Variants in CMC2 observed in about 807,000 individuals in gnomAD.
CMC2 encodes the protein C-X9-C motif containing 2.
Under a neutral mutation model 7.5 loss-of-function variants are expected in CMC2, and 5 were observed. The observed-to-expected ratio is 0.66, with a 90% CI of 0.35 to 1.40. The LOEUF (loss-of-function observed/expected upper bound fraction) is 1.40. Ranked by LOEUF, CMC2 falls within the 40% of genes most tolerant of loss-of-function variation. The pLI, the probability that CMC2 is intolerant of heterozygous loss-of-function variation, is 0.04. For missense variants in CMC2, 115 were observed against 92.3 expected, an observed-to-expected ratio of 1.25 and a Z score of -1.01; for synonymous variants, 37 against 31.4, an observed-to-expected ratio of 1.18 and a Z score of -0.60.
At chr16:80,990,278 C>T (rs1967875532) in intron 2 of CMC2, among the ~76,000 whole-genome samples, 1 of 152,174 alleles carries the variant, frequency 6.6e-6, no homozygotes, top group South Asian at 2.1e-4. Flanking sequence ...TCAAGTGATT[C>T]TCCTGCCTCA....
At chr16:80,999,594 G>A (rs540305957) in intron 1 of CMC2, among the ~76,000 whole-genome samples, 1 of 152,100 alleles carries the variant, frequency 6.6e-6, no homozygotes, top group Admixed American at 6.6e-5. Context: ...CCAAAAAGGG[G>A]CTCAAATAGC....
Position 80,966,504 on chromosome 16 carries a change from T to C in CMC2, c.*9589A>G, listed in dbSNP as rs1365135544. ...TTGACTTGAATTTTACACTTGTATC[T>C]TGTTTTGGTCTTAGGTTGAAAATCT... is the stretch of plus-strand genomic sequence containing the variant. On this transcript the variant is annotated 3_prime_UTR_variant, in exon 4 of 4. Transcript: ENST00000219400. 6.6e-6 allele frequency: 1 copy of C among 152,246 alleles called. No individual in the cohort carries two copies. Among genetic ancestry groups the C allele is most frequent in the Non-Finnish European group, 1.5e-5 (1 of 68,038 alleles). 9.4% of individuals were successfully genotyped at this position (152,246 alleles called of 1,614,324 possible). A position where few individuals can be genotyped will look rare whatever the true frequency, so the allele number is the denominator to read the frequency against.
At chr16:80,984,517 G>A (rs926132584) in intron 2 of CMC2, among the ~76,000 whole-genome samples, 10 of 152,052 alleles carry the variant, frequency 6.6e-5, no homozygotes, top group African/African-American at 9.7e-5. Flanking sequence ...TCTCCTATTT[G>A]TTACCTAATG....
rs56297803 is a variant in CMC2, at chr16:80,972,355, A to AT, written c.*3737dup. On this transcript the variant is annotated 3_prime_UTR_variant, in exon 4 of 4. Coordinates refer to ENST00000219400, the MANE Select transcript of CMC2 (RefSeq NM_020188.5). ...GAGCAACTCCCTTGGGACAGTGAGG[A>AT]TTTTTTGTTTTTCGTTTTTTTTGTT... is the stretch of plus-strand genomic sequence containing the variant. The AT allele has an allele frequency of 0.35, 52,461 of 151,770 alleles. 10,728 individuals are homozygous for AT. Among genetic ancestry groups the AT allele is most frequent in the African/African-American group, 0.57 (23,665 of 41,356 alleles). The allele number at this position is 151,770 out of a possible 1,614,324, so 9.4% of individuals were successfully genotyped here.
In CMC2 at chr16:80,978,661, G is replaced by C. The variant is rs77077404; in HGVS notation, c.154-2482C>G. ...AGATGGGAGAACTCCTTGAGCCCAG[G>C]AGTCTGAGACCACCCTGGGCAACAC... is the stretch of plus-strand genomic sequence containing the variant. On this transcript the variant is annotated intron_variant, in intron 3 of 3. Transcript: ENST00000219400. Among the ~76,000 whole-genome samples the C allele has an allele frequency of 8.3e-3, 1,254 of 151,594 alleles. 19 individuals carry two copies. The highest frequency in any genetic ancestry group is 0.029 in the African/African-American group (1,193 of 41,258).
At chr16:80,977,255 C>G (rs1912503652) in intron 3 of CMC2, among the ~76,000 whole-genome samples, 1 of 152,192 alleles carries the variant, frequency 6.6e-6, no homozygotes. Flanking sequence ...GTATTCTGAT[C>G]TGGCCAGCAG....
chr16:80,978,810 A>G (rs374085225), intron 3 of CMC2, among the ~76,000 whole-genome samples: 24 of 152,258 alleles, frequency 1.6e-4, no homozygotes, highest in South Asian at 1.4e-3. Flanking sequence ...GGCTGGGCGC[A>G]GTGGCTCACG....
At chr16:81,000,475 A>G (rs2194323) in intron 1 of CMC2, among the ~76,000 whole-genome samples, 132,669 of 152,158 alleles carry the variant, frequency 0.87, 57,994 homozygotes, top group South Asian at 0.97. Context: ...CAGCCTAGGT[A>G]ACAGAGTGAG....
chr16:80,993,529 A>G (rs1048088230), intron 2 of CMC2, among the ~76,000 whole-genome samples: 1 of 152,208 alleles, frequency 6.6e-6, no homozygotes, highest in Non-Finnish European at 1.5e-5. Flanking sequence ...GACTTTCACA[A>G]TGCCATAGTC....
chr16:81,002,542 T>G (rs1474672099), intron 1 of CMC2, among the ~76,000 whole-genome samples: 2 of 152,230 alleles, frequency 1.3e-5, no homozygotes, highest in African/African-American at 4.8e-5. Flanking sequence ...CACTCAAATG[T>G]GTGCCTTTAC....
intron 3 of CMC2, among the ~76,000 whole-genome samples, chr16:80,979,646 TCTCTCA>T (rs1410356049): frequency 1.3e-5 from 2 of 151,812 alleles, no homozygotes; most frequent in African/African-American, 4.8e-5. Flanking sequence ...AGAGACAGAG[TCTCTCA>T]CTCTGTCACC....
chr16:80,978,188 C>T (rs766600229), intron 3 of CMC2: 61 of 775,744 alleles, frequency 7.9e-5, no homozygotes, highest in Middle Eastern at 6.3e-4. Flanking sequence ...ATCAATAAAA[C>T]GTATTCTAGA....
chr16:80,991,335 T>A (rs1967974210), intron 2 of CMC2, among the ~76,000 whole-genome samples: 1 of 152,022 alleles, frequency 6.6e-6, no homozygotes, highest in Admixed American at 6.6e-5. Context: ...AAAGAGTAAC[T>A]TCAAAGCAGA....
At chr16:80,992,990 C>T (rs992772271) in intron 2 of CMC2, among the ~76,000 whole-genome samples, 7 of 152,142 alleles carry the variant, frequency 4.6e-5, no homozygotes, top group Non-Finnish European at 1.0e-4. Flanking sequence ...CTTAGGCACA[C>T]TTTCCCCACA....
At chr16:80,985,792 A>G (rs1334745576) in intron 2 of CMC2, among the ~76,000 whole-genome samples, 2 of 151,694 alleles carry the variant, frequency 1.3e-5, no homozygotes, top group African/African-American at 4.8e-5. Context: ...CTGAAGGATG[A>G]TAAGACCTGG....
rs1397522473 is a variant in CMC2, at chr16:80,968,688, TA to T, written c.*7404del. 6.6e-6 allele frequency: 1 copy of T among 152,214 alleles called. No homozygotes were observed. The highest frequency in any genetic ancestry group is 2.4e-5 in the African/African-American group (1 of 41,446). 9.4% of individuals were successfully genotyped at this position (152,214 alleles called of 1,614,324 possible). On this transcript the variant is annotated 3_prime_UTR_variant, in exon 4 of 4. Transcript: ENST00000219400. ...AAAACACTCCTGCTAAAAAGCTATC[TA>T]CAAATACTAGATAGCATATATCAAA...
In CMC2 at chr16:80,988,153, G is replaced by A. The variant is rs556035481; in HGVS notation, c.82-6276C>T. On this transcript the variant is annotated intron_variant, in intron 2 of 3. Transcript: ENST00000219400. ...GAACTTTGATTGTGCCACCGCACTC[G>A]AGCCTGGGTGACAGAGTGAGACATC... Among the ~76,000 whole-genome samples, 121 of 152,242 alleles carry A rather than the reference G, an allele frequency of 7.9e-4. 1 individual carries two copies. In the Middle Eastern group the frequency reaches 0.014, roughly 17 times the overall value.
chr16:81,002,753 A>T lies in CMC2; in HGVS notation c.-36+3981T>A, dbSNP rs1968963338. On this transcript the variant is annotated intron_variant, in intron 1 of 3. Coordinates refer to ENST00000219400, the MANE Select transcript of CMC2 (RefSeq NM_020188.5). The stretch of plus-strand genomic sequence containing the variant: ...TGTCAATCAGGGTAGGGTACCAATA[A>T]AACGTCTTCCCTTCTAATTCACATT... 3.9e-5 allele frequency among the ~76,000 whole-genome samples: 6 copies of T among 152,326 alleles called. No homozygotes were observed. The South Asian group carries it at 1.2e-3, about 32-fold the overall frequency.
At chr16:80,976,589 T>A (rs1208950631) in intron 3 of CMC2, among the ~76,000 whole-genome samples, 1 of 152,216 alleles carries the variant, frequency 6.6e-6, no homozygotes, top group Non-Finnish European at 1.5e-5. Context: ...GCTCACTTCC[T>A]TGAGAGGTAG....
Sources: gnomAD v4.1 joint callset for allele counts (sites outside exome capture counted in the v4.1 genomes callset) on GRCh38, gnomAD v4.1.1 for gene constraint, MANE v1.5 for transcripts, NCBI Gene and HGNC (gene_info 2026-07-23, HGNC 2026-07-21) for gene names.